The following EBF1 variants were observed in gnomAD, a reference collection of about 807,000 sequenced individuals.
The protein encoded by EBF1 is transcription factor COE1.
A neutral mutation model predicts 68.4 loss-of-function variants in EBF1; 10 were observed. The observed-to-expected ratio is 0.15, with a 90% CI of 0.09 to 0.25. The LOEUF (loss-of-function observed/expected upper bound fraction) is 0.25. EBF1 is among the 10% of genes least tolerant of loss of function. The pLI is 1.00. For missense variants in EBF1, 509 were observed against 794.4 expected, an observed-to-expected ratio of 0.64 and a Z score of 4.32; for synonymous variants, 298 against 299.8, an observed-to-expected ratio of 0.99 and a Z score of 0.06.
At chr5:159,098,913 A>AAAGG (rs1016084985) in intron 1 of EBF1, among the ~76,000 whole-genome samples, 1 of 151,922 alleles carries the variant, frequency 6.6e-6, no homozygotes, top group East Asian at 1.9e-4. Flanking sequence ...AAAGAAAGAA[A>AAAGG]AAGGAAGGAA....
At chr5:158,731,032 C>G in intron 11 of EBF1, 37 bp downstream of exon 11, 1 of 1,593,566 alleles carries the variant, frequency 6.3e-7, no homozygotes, top group South Asian at 1.1e-5. Flanking sequence ...CGCTCAAGTC[C>G]AAATTTTCAG....
At chr5:159,031,586 C>A (rs1768894139) in intron 6 of EBF1, among the ~76,000 whole-genome samples, 2 of 152,230 alleles carry the variant, frequency 1.3e-5, no homozygotes, top group Admixed American at 6.5e-5. Flanking sequence ...GGGGAGGAGG[C>A]AAAGTCTGTG....
Position 158,883,374 on chromosome 5 carries a change from A to ATGTG in EBF1, c.555-43265_555-43264insCACA, listed in dbSNP as rs1443944623. 4.7e-3 allele frequency among the ~76,000 whole-genome samples: 715 copies of ATGTG among 151,016 alleles called. 5 individuals carry two copies. Among genetic ancestry groups the ATGTG allele is most frequent in the African/African-American group, 0.014 (578 of 40,730 alleles). On this transcript the variant is annotated intron_variant, in intron 6 of 15. Coordinates refer to ENST00000313708, the MANE Select transcript of EBF1 (RefSeq NM_024007.5). ...TATATATATATATACACATACATACATGTATATATATACATACATACATGT... is the reference window on the plus strand; with the variant it reads ...TATATATATATATACACATACATACATGTGTGTATATATATACATACATACATGT...
chr5:159,091,695 T>C (rs1340423660), intron 4 of EBF1, among the ~76,000 whole-genome samples: 1 of 152,086 alleles, frequency 6.6e-6, no homozygotes, highest in African/African-American at 2.4e-5. Context: ...AGGAAAAAAA[T>C]ACACTTGCAT....
intron 6 of EBF1, among the ~76,000 whole-genome samples, chr5:159,050,346 C>T (rs922278377): frequency 7.2e-5 from 11 of 152,072 alleles, no homozygotes; most frequent in African/African-American, 2.7e-4. Flanking sequence ...ACTTCTACCC[C>T]TCCATGCTTC....
chr5:159,034,261 A>G (rs11743393), intron 6 of EBF1, among the ~76,000 whole-genome samples: 2,255 of 152,334 alleles, frequency 0.015, 26 homozygotes, highest in Non-Finnish European at 0.026. Flanking sequence ...CCTATTGTGC[A>G]ATAAACAGCC....
intron 5 of EBF1, among the ~76,000 whole-genome samples, chr5:159,082,661 C>T (rs1451533186): frequency 1.3e-5 from 2 of 152,188 alleles, no homozygotes; most frequent in Non-Finnish European, 2.9e-5. Flanking sequence ...GTTAGCCACA[C>T]AATAGATGAC....
intron 6 of EBF1, among the ~76,000 whole-genome samples, chr5:158,904,203 C>G (rs1804062570): frequency 6.6e-6 from 1 of 152,132 alleles, no homozygotes; most frequent in Non-Finnish European, 1.5e-5. Context: ...CCTCAATTTC[C>G]ACATCTATAA....
rs70987931 is a variant in EBF1 at position 158,791,318 on chromosome 5, C to CAA, written c.909+5025_909+5026dup. Among the ~76,000 whole-genome samples, 261 of 69,022 alleles carry CAA rather than the reference C, an allele frequency of 3.8e-3. 2 individuals are homozygous for CAA. The highest frequency in any genetic ancestry group is 8.6e-3 in the African/African-American group (171 of 19,824). The allele number at this position is 69,022 out of a possible 152,430, so 45.3% of individuals were successfully genotyped here. On this transcript the variant is annotated intron_variant, in intron 9 of 15. Coordinates refer to ENST00000313708, the MANE Select transcript of EBF1 (RefSeq NM_024007.5). ...TGAGCAACAGAGCAAGATTCCATCT[C>CAA]AAAAAAAAAAAAAAAAAAAGGAATT...
chr5:158,841,003 A>G (rs1237830215), intron 6 of EBF1, among the ~76,000 whole-genome samples: 1 of 152,098 alleles, frequency 6.6e-6, no homozygotes, highest in Non-Finnish European at 1.5e-5. Flanking sequence ...TGCTGTAGAC[A>G]AGAGCTAGCT....
chr5:158,890,057 T>C (rs1303525697), intron 6 of EBF1, among the ~76,000 whole-genome samples: 1 of 152,176 alleles, frequency 6.6e-6, no homozygotes, highest in Non-Finnish European at 1.5e-5. Context: ...GGGGGCATGC[T>C]GGATCCAATC....
chr5:159,028,560 T>C (rs1286945596), intron 6 of EBF1, among the ~76,000 whole-genome samples: 2 of 151,514 alleles, frequency 1.3e-5, no homozygotes, highest in African/African-American at 4.9e-5. Context: ...GGTGAAGGAG[T>C]CACACAATTA....
intron 6 of EBF1, among the ~76,000 whole-genome samples, chr5:158,860,700 A>C (rs1371889238): frequency 6.6e-6 from 1 of 152,260 alleles, no homozygotes; most frequent in East Asian, 1.9e-4. Flanking sequence ...TTGGTAAGAC[A>C]AACAAGTGAC....
rs191134703 is a variant in EBF1 at position 158,908,574 on chromosome 5, C to T, written c.555-68464G>A. Among the ~76,000 whole-genome samples the T allele has an allele frequency of 2.0e-5, 3 of 152,344 alleles. No homozygotes were observed. The East Asian group carries it at 5.8e-4, about 29-fold the overall frequency. ...TTTTAGAATAAGGAAACAGCCTCGT[C>T]ACAATGCATCATGTATTCTGATCAA... On this transcript the variant is annotated intron_variant, in intron 6 of 15. Coordinates refer to ENST00000313708, the MANE Select transcript of EBF1 (RefSeq NM_024007.5).
In EBF1 at chr5:158,708,140, G is replaced by A; in HGVS notation, c.1583C>T (p.Thr528Ile). Residue 528 changes from threonine (T) to isoleucine (I), a missense_variant, in exon 15 of 16, where the codon ACA (threonine) becomes ATA (isoleucine). Physicochemically the swap from Thr to Ile is moderately conservative, Grantham distance 89. Coordinates refer to ENST00000313708, the MANE Select transcript of EBF1 (RefSeq NM_024007.5). ...GCTGCTGCAGTTGGAGGGGAGGCTT[G>A]TGGAGGAGGCCATGGTGGGGCTGGA... ...VPSSPTMASS[T>I]SLPSNCSSSS... 3.8e-6 allele frequency: 6 copies of A among 1,588,626 alleles called. No homozygotes were observed. Among genetic ancestry groups the A allele is most frequent in the Non-Finnish European group, 5.1e-6 (6 of 1,167,106 alleles).
At chr5:159,066,928 G>A (rs1222646332) in intron 6 of EBF1, among the ~76,000 whole-genome samples, 3 of 152,138 alleles carry the variant, frequency 2.0e-5, no homozygotes, top group Non-Finnish European at 4.4e-5. Flanking sequence ...TGTAAAGAGA[G>A]GAATGGGATG....
intron 6 of EBF1, among the ~76,000 whole-genome samples, chr5:158,915,233 C>T (rs1465394770): frequency 2.6e-5 from 4 of 152,124 alleles, no homozygotes; most frequent in South Asian, 2.1e-4. Context: ...GGGCAGCCAC[C>T]GGGATGATGA....
chr5:158,932,320 A>G (rs901390376), intron 6 of EBF1, among the ~76,000 whole-genome samples: 3 of 152,182 alleles, frequency 2.0e-5, no homozygotes, highest in Admixed American at 1.3e-4. Context: ...ATTAAAAAAC[A>G]TGTGTTCTCA....
intron 15 of EBF1, among the ~76,000 whole-genome samples, chr5:158,702,289 G>A (rs926654639): frequency 1.3e-5 from 2 of 152,152 alleles, no homozygotes; most frequent in African/African-American, 2.4e-5. Context: ...AGGGATGGGT[G>A]TCTGGAGCTT....
Sources: gnomAD v4.1 joint callset for allele counts (sites outside exome capture counted in the v4.1 genomes callset) on GRCh38, gnomAD v4.1.1 for gene constraint, MANE v1.5 for transcripts, NCBI Gene and HGNC (gene_info 2026-07-23, HGNC 2026-07-21) for gene names.